CNOT6L: variants seen among roughly 807,000 people sequenced by gnomAD.
The protein encoded by CNOT6L is CCR4-NOT transcription complex subunit 6-like.
CNOT6L carries 7 observed loss-of-function variants against 64.0 expected under a neutral mutation model. The observed-to-expected ratio is 0.11, with a 90% CI of 0.06 to 0.21. The LOEUF (loss-of-function observed/expected upper bound fraction) is 0.21. Among genes scored for constraint, CNOT6L ranks in the 10% least tolerant of loss-of-function variants. CNOT6L has a pLI of 1.00. For missense variants in CNOT6L, 245 were observed against 669.0 expected (o/e 0.37, Z 6.99); for synonymous variants, 193 against 243.4 (o/e 0.79, Z 1.93).
chr4:77,806,209 T>C (rs766541639), intron 1 of CNOT6L, among the ~76,000 whole-genome samples: 1 of 152,172 alleles, frequency 6.6e-6, no homozygotes, highest in Non-Finnish European at 1.5e-5. Context: ...GCGGATCACC[T>C]GAGATTGGGA....
At chr4:77,779,651 GATTA>G (rs1728624314) in intron 1 of CNOT6L, among the ~76,000 whole-genome samples, 1 of 152,130 alleles carries the variant, frequency 6.6e-6, no homozygotes, top group Admixed American at 6.5e-5. Context: ...TTTTGGATTT[GATTA>G]GGATGCCAAT....
chr4:77,794,150 CAAAAAAAAAA>C (rs10649868), intron 1 of CNOT6L, among the ~76,000 whole-genome samples: 5 of 52,026 alleles, frequency 9.6e-5, no homozygotes, highest in African/African-American at 3.0e-4. Context: ...GACTCTGTCT[CAAAAAAAAAA>C]AAAAAAAAAA....
chr4:77,781,817 A>G (rs193287296), intron 1 of CNOT6L, among the ~76,000 whole-genome samples: 1 of 152,342 alleles, frequency 6.6e-6, no homozygotes, highest in East Asian at 1.9e-4. Flanking sequence ...ATTTTATCTC[A>G]GTCTGTAGTT....
At chr4:77,739,725 CA>C (rs796072376) in intron 8 of CNOT6L, among the ~76,000 whole-genome samples, 85 of 152,138 alleles carry the variant, frequency 5.6e-4, no homozygotes, top group African/African-American at 1.9e-3. Flanking sequence ...TGTTACTATT[CA>C]GGAAAAAAGA....
chr4:77,730,043 C>T (rs563845369), intron 9 of CNOT6L, among the ~76,000 whole-genome samples: 4 of 152,054 alleles, frequency 2.6e-5, no homozygotes, highest in African/African-American at 4.8e-5. Flanking sequence ...TTGGACTATC[C>T]GTAAACATAC....
chr4:77,797,018 GGCTGCAGTGAGCCATGATGGTGCC>G (rs1444694603), intron 1 of CNOT6L, among the ~76,000 whole-genome samples: 2 of 148,322 alleles, frequency 1.3e-5, no homozygotes, highest in African/African-American at 5.0e-5. Flanking sequence ...GGGAGGTCCA[GGCTGCAGTGAGCCATGATGGTGCC>G]GCTGCAGTGA....
intron 1 of CNOT6L, among the ~76,000 whole-genome samples, chr4:77,797,850 A>C (rs922568362): frequency 1.3e-5 from 2 of 152,214 alleles, no homozygotes; most frequent in Non-Finnish European, 2.9e-5. Flanking sequence ...TATGTTCAAC[A>C]TGGATCACAG....
chr4:77,792,459 T>C (rs1560428375), intron 1 of CNOT6L, among the ~76,000 whole-genome samples: 2 of 151,958 alleles, frequency 1.3e-5, no homozygotes, highest in African/African-American at 4.8e-5. Flanking sequence ...CAGGCAGTGG[T>C]TCACACCTGT....
At chr4:77,819,594 A>G (rs1036706279), upstream of CNOT6L, 4 of 180,604 alleles carry the variant, frequency 2.2e-5, no homozygotes, top group Non-Finnish European at 4.4e-5. Flanking sequence ...CCTCACCTGC[A>G]TTCAGCGCGC....
chr4:77,760,591 C>T (rs748373263), intron 4 of CNOT6L, among the ~76,000 whole-genome samples: 2 of 150,568 alleles, frequency 1.3e-5, no homozygotes, highest in African/African-American at 2.4e-5. Context: ...AAAAAAATAC[C>T]GAATTCAAAG....
At position 77,720,265 on chromosome 4, in the gene CNOT6L, A is replaced by T; in HGVS notation, c.*166T>A. ...ACTTTGGTTCCAGCCCTACTGCCAAATGATACCAATATGCACAAAAATGTA... is the reference window on the plus strand; with the variant it reads ...ACTTTGGTTCCAGCCCTACTGCCAATTGATACCAATATGCACAAAAATGTA... On this transcript the variant is annotated 3_prime_UTR_variant, in exon 12 of 12. Coordinates refer to ENST00000504123, the MANE Select transcript of CNOT6L (RefSeq NM_144571.3). The T allele has an allele frequency of 1.5e-6, 1 of 673,234 alleles. No individual in the cohort carries two copies. The highest frequency in any genetic ancestry group is 2.4e-5 in the South Asian group (1 of 42,526). 41.7% of individuals were successfully genotyped at this position (673,234 alleles called of 1,614,324 possible).
chr4:77,817,032 A>G (rs1457048765), intron 1 of CNOT6L, among the ~76,000 whole-genome samples: 4 of 152,174 alleles, frequency 2.6e-5, no homozygotes, highest in African/African-American at 7.2e-5. Context: ...ATCAGTCAAC[A>G]TGAGCTAGCA....
upstream of CNOT6L, among the ~76,000 whole-genome samples, chr4:77,819,920 CCCGCGG>C (rs1010176527): frequency 6.0e-4 from 90 of 150,438 alleles, no homozygotes; most frequent in African/African-American, 2.1e-3. Flanking sequence ...CAAGAGAGGC[CCCGCGG>C]CCGCGGCCGC....
intron 4 of CNOT6L, among the ~76,000 whole-genome samples, chr4:77,770,739 T>G (rs1727437801): frequency 6.6e-6 from 1 of 152,236 alleles, no homozygotes; most frequent in Non-Finnish European, 1.5e-5. Context: ...CAGTGGCGTC[T>G]GACTTGATAG....
At chr4:77,747,801 CT>C (rs775234513) in intron 6 of CNOT6L, among the ~76,000 whole-genome samples, 4 of 152,284 alleles carry the variant, frequency 2.6e-5, no homozygotes, top group Non-Finnish European at 4.4e-5. Context: ...TTCTACACCC[CT>C]GGGCTGGTAT....
At chr4:77,758,353 T>C (rs888731651) in intron 4 of CNOT6L, among the ~76,000 whole-genome samples, 1 of 151,990 alleles carries the variant, frequency 6.6e-6, no homozygotes, top group East Asian at 1.9e-4. Context: ...AAATCAGTCA[T>C]CAAGAAAAAC....
rs1305958320 is a variant in CNOT6L, at chr4:77,716,375, C to G, written c.*4056G>C. 2 of 151,978 alleles carry G rather than the reference C, an allele frequency of 1.3e-5. No individual in the cohort carries two copies. The highest frequency in any genetic ancestry group is 4.8e-5 in the African/African-American group (2 of 41,404). 9.4% of individuals were successfully genotyped at this position (151,978 alleles called of 1,614,324 possible). ...TCAATTTTATCATTAGAAAATCTAG[C>G]CATGTATTAGGAATGACATAATGAT... On this transcript the variant is annotated 3_prime_UTR_variant, in exon 12 of 12. Transcript: ENST00000504123.
intron 1 of CNOT6L, among the ~76,000 whole-genome samples, chr4:77,785,464 T>C (rs761443540): frequency 2.0e-5 from 3 of 151,982 alleles, no homozygotes; most frequent in East Asian, 1.9e-4. Flanking sequence ...TCTTTGAAAT[T>C]TGAAGGAAAA....
At chr4:77,746,426 C>T (rs911250193) in intron 6 of CNOT6L, among the ~76,000 whole-genome samples, 8 of 152,122 alleles carry the variant, frequency 5.3e-5, no homozygotes, top group Non-Finnish European at 1.2e-4. Context: ...AAGTATTATA[C>T]ACATCCCTCT....
Sources: gnomAD v4.1 joint callset for allele counts (sites outside exome capture counted in the v4.1 genomes callset) on GRCh38, gnomAD v4.1.1 for gene constraint, MANE v1.5 for transcripts, NCBI Gene and HGNC (gene_info 2026-07-23, HGNC 2026-07-21) for gene names.